ACSM3: variants seen among roughly 807,000 people sequenced by gnomAD.
ACSM3 encodes acyl-coenzyme A synthetase ACSM3, mitochondrial.
Under a neutral mutation model 74.1 loss-of-function variants are expected in ACSM3, and 61 were observed. That is an observed-to-expected ratio of 0.82 (90% CI 0.67 to 1.02). The LOEUF is 1.02. Ranked by LOEUF, ACSM3 falls within the 50% of genes least tolerant of loss-of-function variation. The pLI, the probability that ACSM3 is intolerant of heterozygous loss-of-function variation, is 0.00. For synonymous variants in ACSM3, 213 were observed against 241.5 expected (o/e 0.88, Z 1.09); for missense variants, 660 against 697.0 (o/e 0.95, Z 0.60).
chr16:20,794,540 T>C (rs920378565), intron 12 of ACSM3, among the ~76,000 whole-genome samples: 2 of 152,210 alleles, frequency 1.3e-5, no homozygotes, highest in African/African-American at 4.8e-5. Context: ...AGCTATCATA[T>C]TGAATGGCAC....
chr16:20,783,806 G>A (rs533914658), intron 7 of ACSM3, among the ~76,000 whole-genome samples: 14 of 92,966 alleles, frequency 1.5e-4, no homozygotes, highest in South Asian at 5.3e-4. Flanking sequence ...TGTTCTCCCC[G>A]TCTCAATTTT....
chr16:20,706,706 C>A (rs545887947), intron 1 of ACSM3, among the ~76,000 whole-genome samples: 102 of 152,282 alleles, frequency 6.7e-4, no homozygotes, highest in African/African-American at 2.4e-3. Context: ...CTGCCTAGGG[C>A]TCTGACAGGA....
At chr16:20,750,659 A>G (rs2079982356) in intron 2 of ACSM3, among the ~76,000 whole-genome samples, 1 of 152,166 alleles carries the variant, frequency 6.6e-6, no homozygotes, top group Non-Finnish European at 1.5e-5. Flanking sequence ...AGATTTGTTT[A>G]TTTCTGCAGC....
intron 1 of ACSM3, chr16:20,737,711 C>T: frequency 4.4e-6 from 7 of 1,604,784 alleles, no homozygotes; most frequent in Non-Finnish European, 6.0e-6. Context: ...AACATACCTG[C>T]CAATTCTCTG....
chr16:20,793,774 C>T (rs910863807), intron 12 of ACSM3, among the ~76,000 whole-genome samples: 14 of 152,328 alleles, frequency 9.2e-5, no homozygotes, highest in Admixed American at 2.6e-4. Flanking sequence ...TGAACATCAT[C>T]GGCAAGGTTT....
chr16:20,741,882 G>C (rs973574775), intron 1 of ACSM3: 2 of 1,534,798 alleles, frequency 1.3e-6, no homozygotes, highest in Admixed American at 2.0e-5. Context: ...TGCTGCGCCA[G>C]GTCCTAAGGC....
chr16:20,736,978 T>G, intron 1 of ACSM3: 1 of 1,614,098 alleles, frequency 6.2e-7, no homozygotes, highest in Non-Finnish European at 8.5e-7. Flanking sequence ...GGATTAGACG[T>G]TGGTTTTGTC....
At chr16:20,796,255 A>G in intron 12 of ACSM3, 115 bp from the exon 13 acceptor site, 1 of 1,471,876 alleles carries the variant, frequency 6.8e-7, no homozygotes, top group Admixed American at 2.6e-5. Flanking sequence ...AAACTTTATT[A>G]AAACACACTG....
chr16:20,687,989 G>T (rs150143425), intron 1 of ACSM3, among the ~76,000 whole-genome samples: 7,411 of 151,964 alleles, frequency 0.049, 588 homozygotes, highest in African/African-American at 0.17. Flanking sequence ...GGAGGCTGAG[G>T]CAGGAGAATT....
At chr16:20,736,947 C>A in intron 1 of ACSM3, 1 of 1,614,106 alleles carries the variant, frequency 6.2e-7, no homozygotes, top group Non-Finnish European at 8.5e-7. Flanking sequence ...AGGTTTGGCT[C>A]CTCCCTCATT....
chr16:20,752,742 A>G (rs183517831), intron 2 of ACSM3, among the ~76,000 whole-genome samples: 1 of 152,380 alleles, frequency 6.6e-6, no homozygotes, highest in Non-Finnish European at 1.5e-5. Context: ...AATTATCAAT[A>G]GCTGCATTAG....
At chr16:20,761,911 C>CA (rs1331706647), upstream of ACSM3, among the ~76,000 whole-genome samples, 1 of 152,224 alleles carries the variant, frequency 6.6e-6, no homozygotes, top group Non-Finnish European at 1.5e-5. Context: ...TCAGTAAAGA[C>CA]ATTGCACATG....
chr16:20,762,825 T>C (rs2080088587), upstream of ACSM3, among the ~76,000 whole-genome samples: 1 of 152,230 alleles, frequency 6.6e-6, no homozygotes. Context: ...TACCTAACCA[T>C]GAAAGACTGA....
At chr16:20,740,253 G>A (rs979690193) in intron 1 of ACSM3, among the ~76,000 whole-genome samples, 13 of 152,088 alleles carry the variant, frequency 8.5e-5, no homozygotes, top group African/African-American at 2.7e-4. Context: ...AAAATTAGTC[G>A]GGCATGGTGG....
At chr16:20,698,637 T>C (rs1243720157) in intron 1 of ACSM3, among the ~76,000 whole-genome samples, 2 of 152,022 alleles carry the variant, frequency 1.3e-5, no homozygotes, top group Non-Finnish European at 2.9e-5. Flanking sequence ...GCCTCCCAAG[T>C]AGCTGGGATT....
intron 10 of ACSM3, among the ~76,000 whole-genome samples, chr16:20,791,135 C>G (rs770525805): frequency 5.0e-4 from 76 of 152,192 alleles, no homozygotes; most frequent in Non-Finnish European, 1.0e-3. Flanking sequence ...ATTTTCATCT[C>G]TAATCACAGT....
chr16:20,765,598 C>T (rs1306080621), intron 1 of ACSM3, among the ~76,000 whole-genome samples: 2 of 152,084 alleles, frequency 1.3e-5, no homozygotes. Context: ...TATTTAATGT[C>T]TTCCTTAATA....
At chr16:20,771,175 C>T (rs1159280773) in intron 2 of ACSM3, among the ~76,000 whole-genome samples, 2 of 152,136 alleles carry the variant, frequency 1.3e-5, no homozygotes, top group Non-Finnish European at 2.9e-5. Flanking sequence ...AATTCTTGTG[C>T]CTCAGCCTCC....
At chr16:20,759,987 C>A (rs548946427), upstream of ACSM3, among the ~76,000 whole-genome samples, 73 of 152,200 alleles carry the variant, frequency 4.8e-4, 1 homozygote, top group African/African-American at 1.7e-3. Flanking sequence ...TGATGGAAAG[C>A]CAGTAGGGGC....
Sources: allele counts gnomAD v4.1 joint callset (sites outside exome capture counted in the v4.1 genomes callset), GRCh38; gene constraint gnomAD v4.1.1; transcripts MANE v1.5; gene names NCBI Gene and HGNC (gene_info 2026-07-23, HGNC 2026-07-21).